Variants in UGGT2 observed in about 807,000 individuals in gnomAD.
UGGT2 encodes the protein UDP-glucose glycoprotein glucosyltransferase 2.
UGGT2 carries 180 observed loss-of-function variants against 192.1 expected under a neutral mutation model. The ratio of observed to expected loss-of-function variants is 0.94; its 90% CI spans 0.83 to 1.06. The LOEUF (loss-of-function observed/expected upper bound fraction) is 1.06. Among genes scored for constraint, UGGT2 ranks in the 50% least tolerant of loss-of-function variants. The probability of loss-of-function intolerance (pLI) is 0.00; values close to 1 mark genes in which losing one functional copy is unlikely to be tolerated. For synonymous variants in UGGT2, 580 were observed against 591.0 expected (o/e 0.98, Z 0.27); for missense variants, 1,849 against 1,795.7 (o/e 1.03, Z -0.54).
intron 8 of UGGT2, 44 bp from the exon 9 acceptor site, chr13:95,986,476 C>T (rs772263960): frequency 7.5e-7 from 1 of 1,327,074 alleles, no homozygotes; most frequent in Non-Finnish European, 1.1e-6. Flanking sequence ...TAATATTAGA[C>T]CTTTATAGAC....
At chr13:95,872,344 A>C (rs1280848439) in intron 29 of UGGT2, among the ~76,000 whole-genome samples, 2 of 152,228 alleles carry the variant, frequency 1.3e-5, no homozygotes, top group Non-Finnish European at 2.9e-5. Context: ...TGGAAAGCCA[A>C]ATTTTAAAAA....
At chr13:95,817,603 G>GA (rs1428232186) in intron 38 of UGGT2, among the ~76,000 whole-genome samples, 4 of 151,612 alleles carry the variant, frequency 2.6e-5, no homozygotes, top group African/African-American at 9.7e-5. Context: ...ACATTGGAAG[G>GA]AAAAAAACCA....
At chr13:95,878,214 C>A (rs1328124854) in intron 27 of UGGT2, among the ~76,000 whole-genome samples, 3 of 152,006 alleles carry the variant, frequency 2.0e-5, no homozygotes, top group African/African-American at 7.2e-5. Flanking sequence ...AGAAAGCTAA[C>A]TTACTATCTA....
At chr13:95,924,693 T>C (rs1419696148) in intron 20 of UGGT2, among the ~76,000 whole-genome samples, 1 of 152,028 alleles carries the variant, frequency 6.6e-6, no homozygotes, top group East Asian at 1.9e-4. Flanking sequence ...TCAGTCTTTA[T>C]CTCTTTACCC....
intron 38 of UGGT2, among the ~76,000 whole-genome samples, chr13:95,811,526 T>G (rs953271473): frequency 6.6e-6 from 1 of 152,166 alleles, no homozygotes; most frequent in African/African-American, 2.4e-5. Context: ...GAATATGTTC[T>G]AATTTTGATT....
chr13:95,929,066 C>T (rs901402391), intron 17 of UGGT2, among the ~76,000 whole-genome samples: 12 of 152,194 alleles, frequency 7.9e-5, no homozygotes, highest in Admixed American at 2.0e-4. Context: ...TGGCGGCGCG[C>T]GCCTGCAATC....
intron 4 of UGGT2, among the ~76,000 whole-genome samples, chr13:96,020,096 G>A (rs2052470789): frequency 6.6e-6 from 1 of 152,200 alleles, no homozygotes; most frequent in Non-Finnish European, 1.5e-5. Context: ...GGGCCCAGAA[G>A]CTGGGCTTTT....
At chr13:96,027,193 T>C (rs941126670) in intron 2 of UGGT2, among the ~76,000 whole-genome samples, 11 of 152,156 alleles carry the variant, frequency 7.2e-5, no homozygotes, top group Non-Finnish European at 1.5e-5. Context: ...AAAATATGAC[T>C]ACATCAGTCA....
At chr13:95,962,240 T>C (rs979196761) in intron 12 of UGGT2, among the ~76,000 whole-genome samples, 2 of 151,906 alleles carry the variant, frequency 1.3e-5, no homozygotes, top group African/African-American at 4.8e-5. Context: ...CAGAACTAAA[T>C]GAAATTGATA....
rs1889594777 is a variant in UGGT2, at chr13:95,856,206, A to G, written c.3960T>C (p.Val1320=). The G allele has an allele frequency of 6.2e-7, 1 of 1,613,394 alleles. No individual in the cohort carries two copies. The highest frequency in any genetic ancestry group is 1.3e-5 in the African/African-American group (1 of 74,884). The change falls in exon 34 of 39, where the codon GTT becomes GTC. Residue 1320 remains valine (V), a synonymous_variant. Coordinates refer to ENST00000376747, the MANE Select transcript of UGGT2 (RefSeq NM_020121.4). ...IWGYKILFLD[V]LFPLAVDKII... ...TTTTGTCCACTGCTAGTGGGAAAAG[A>G]ACATCAAGGAAAAGAATTTTGTAAC...
chr13:96,048,487 G>A (rs887389162), intron 1 of UGGT2, among the ~76,000 whole-genome samples: 3 of 152,036 alleles, frequency 2.0e-5, no homozygotes, highest in African/African-American at 7.2e-5. Context: ...TAAGATCAGA[G>A]CAAAACTGAA....
At chr13:95,936,892 C>A (rs766760334) in intron 17 of UGGT2, 32 bp downstream of exon 17, 18 of 1,436,360 alleles carry the variant, frequency 1.3e-5, no homozygotes, top group South Asian at 3.0e-5. Context: ...TATAAATATT[C>A]ATCATGTATT....
intron 27 of UGGT2, among the ~76,000 whole-genome samples, chr13:95,883,947 T>C (rs1055978158): frequency 6.6e-6 from 1 of 151,296 alleles, no homozygotes; most frequent in Non-Finnish European, 1.5e-5. Context: ...TAGACAAGGG[T>C]CATACCGGGG....
intron 5 of UGGT2, among the ~76,000 whole-genome samples, chr13:96,003,086 G>A (rs1045580100): frequency 1.3e-5 from 2 of 152,116 alleles, no homozygotes; most frequent in African/African-American, 4.8e-5. Context: ...AAGCTTTGGG[G>A]GATGAGCTTG....
intron 29 of UGGT2, among the ~76,000 whole-genome samples, chr13:95,875,368 T>G (rs1891584939): frequency 6.6e-6 from 1 of 152,198 alleles, no homozygotes; most frequent in Non-Finnish European, 1.5e-5. Context: ...AAAGATTTTC[T>G]CCCAGTCTGT....
rs142792371 is a variant in UGGT2, at chr13:95,844,021, C to T, written c.4285-6819G>A. Among the ~76,000 whole-genome samples, 1,400 of 152,172 alleles carry T rather than the reference C, an allele frequency of 9.2e-3. 22 individuals are homozygous for T. Among genetic ancestry groups the T allele is most frequent in the African/African-American group, 0.032 (1,334 of 41,512 alleles). ...TGTCGCCCAGGCTGGAGTGCAATGGCATGATCTCGGCTCACTGCAACCTCC... is the reference window on the plus strand; with the variant it reads ...TGTCGCCCAGGCTGGAGTGCAATGGTATGATCTCGGCTCACTGCAACCTCC... On this transcript the variant is annotated intron_variant, in intron 36 of 38. Transcript: ENST00000376747.
chr13:95,948,255 A>ACACACT (rs1247557489), intron 13 of UGGT2, among the ~76,000 whole-genome samples, 174 bp from the exon 14 acceptor site: 1 of 148,922 alleles, frequency 6.7e-6, no homozygotes, highest in Non-Finnish European at 1.5e-5. Flanking sequence ...ACACACACAT[A>ACACACT]TAAAGGATTT....
chr13:95,867,246 G>T, intron 30 of UGGT2, 93 bp downstream of exon 30: 1 of 1,117,774 alleles, frequency 8.9e-7, no homozygotes, highest in Non-Finnish European at 1.3e-6. Flanking sequence ...AAATTGTAAA[G>T]TTAATTGTAA....
intron 34 of UGGT2, among the ~76,000 whole-genome samples, chr13:95,855,544 A>G (rs1889522357): frequency 7.2e-6 from 1 of 139,370 alleles, no homozygotes; most frequent in Admixed American, 7.4e-5. Flanking sequence ...ATTTTTAGAG[A>G]TAGGGTCTCA....
Sources: allele counts gnomAD v4.1 joint callset (sites outside exome capture counted in the v4.1 genomes callset), GRCh38; gene constraint gnomAD v4.1.1; transcripts MANE v1.5; gene names NCBI Gene and HGNC (gene_info 2026-07-23, HGNC 2026-07-21).